The following SPG7 variants were observed in gnomAD, a reference collection of about 807,000 sequenced individuals.
SPG7 encodes mitochondrial inner membrane m-AAA protease component paraplegin.
In SPG7, 103 loss-of-function variants were observed where a neutral mutation model predicts 81.9. The ratio of observed to expected loss-of-function variants is 1.26; its 90% CI spans 1.07 to 1.48. The LOEUF (loss-of-function observed/expected upper bound fraction) is 1.48. Ranked by LOEUF, SPG7 falls within the 40% of genes most tolerant of loss-of-function variation. SPG7 has a pLI of 0.00. For missense variants in SPG7, 1,241 were observed against 1,087.3 expected, an observed-to-expected ratio of 1.14 and a Z score of -1.99; for synonymous variants, 534 against 444.2, an observed-to-expected ratio of 1.20 and a Z score of -2.54.
At position 89,531,885 on chromosome 16, in the gene SPG7, A is replaced by G. The variant is rs372502674; in HGVS notation, c.988-19A>G. ...GGAATCCCCAAGTAGTTAGTGTTGC[A>G]TTGTCTGCTGCCGTCCAGAGCCCAG... is the stretch of plus-strand genomic sequence containing the variant. On this transcript the variant is annotated intron_variant, in intron 7 of 16. Coordinates refer to ENST00000645818, the MANE Select transcript of SPG7 (RefSeq NM_003119.4). 6.9e-5 allele frequency: 111 copies of G among 1,613,836 alleles called. No individual in the cohort carries two copies. Among genetic ancestry groups the G allele is most frequent in the Admixed American group, 1.2e-4 (7 of 60,004 alleles).
At chr16:89,519,653 A>C (rs912843891) in intron 3 of SPG7, 2 of 152,198 alleles carry the variant, frequency 1.3e-5, no homozygotes, top group Admixed American at 1.3e-4. Flanking sequence ...AAGTGCTGGG[A>C]TGACAGGCGT....
chr16:89,524,584 C>T (rs564162955), intron 4 of SPG7, among the ~76,000 whole-genome samples: 1 of 152,282 alleles, frequency 6.6e-6, no homozygotes, highest in African/African-American at 2.4e-5. Flanking sequence ...GCTGGGATTA[C>T]AGGCGTGCAC....
rs940753630 is a variant in SPG7, at chr16:89,546,529, T to C, written c.1450-129T>C. 2.6e-5 allele frequency: 20 copies of C among 775,004 alleles called. No homozygotes were observed. In the African/African-American group the frequency reaches 3.3e-4, roughly 13 times the overall value. 48.0% of individuals were successfully genotyped at this position (775,004 alleles called of 1,614,324 possible). On this transcript the variant is annotated intron_variant, in intron 10 of 16. Transcript: ENST00000645818. Reference sequence around the variant, plus strand: ...CCCGTCTCTACTAAAAATACAAAACTCAGGCATGATGGCACACACTTGTAA... The same window carrying C: ...CCCGTCTCTACTAAAAATACAAAACCCAGGCATGATGGCACACACTTGTAA...
chr16:89,542,865 G>A (rs1297903577), intron 9 of SPG7: 1 of 151,580 alleles, frequency 6.6e-6, no homozygotes, highest in Non-Finnish European at 1.5e-5. Context: ...GCCTCCCAAC[G>A]TGCTGGGATT....
At chr16:89,519,789 AG>A (rs1371638419) in intron 3 of SPG7, 2 of 152,240 alleles carry the variant, frequency 1.3e-5, no homozygotes, top group Non-Finnish European at 2.9e-5. Flanking sequence ...CTCCTCTGTC[AG>A]GGTCAGCTGT....
chr16:89,527,849 C>T (rs2058284538), intron 5 of SPG7, among the ~76,000 whole-genome samples: 1 of 151,870 alleles, frequency 6.6e-6, no homozygotes, highest in Non-Finnish European at 1.5e-5. Context: ...AATCCCAGCA[C>T]TTTGGAAGGC....
Position 89,546,965 on chromosome 16 carries a change from G to A in SPG7, c.1552+205G>A, listed in dbSNP as rs2292952. On this transcript the variant is annotated intron_variant, in intron 11 of 16. Transcript: ENST00000645818. ...GCACCCGCACTCCGTCCTCCGCCCC[G>A]GGGTGGAAAAGCAGACGGTGGTTCC... is the stretch of plus-strand genomic sequence containing the variant. 146,503 of 568,216 alleles carry A rather than the reference G, an allele frequency of 0.26. 21,742 individuals are homozygous for A. Among genetic ancestry groups the A allele is most frequent in the Middle Eastern group, 0.4 (821 of 2,062 alleles). The allele number at this position is 568,216 out of a possible 1,614,324, so 35.2% of individuals were successfully genotyped here.
chr16:89,526,780 C>A (rs1354158071), intron 5 of SPG7: 2 of 369,720 alleles, frequency 5.4e-6, no homozygotes, highest in South Asian at 2.2e-5. Context: ...CAGCCCCCGA[C>A]GTAAGATGCC....
chr16:89,553,997 T>TC (rs769320484), intron 15 of SPG7, 37 bp downstream of exon 15: 1 of 1,604,876 alleles, frequency 6.2e-7, no homozygotes, highest in African/African-American at 1.3e-5. Context: ...CCCTCTGTGC[T>TC]CCCCGGGGAG....
At chr16:89,549,092 G>A (rs933096238) in intron 12 of SPG7, 13 of 456,284 alleles carry the variant, frequency 2.8e-5, no homozygotes, top group Admixed American at 1.4e-4. Context: ...CCTGCGGGTC[G>A]AGAGGACTGG....
intron 11 of SPG7, 144 bp from the exon 12 acceptor site, chr16:89,547,859 C>T: frequency 1.4e-6 from 1 of 722,056 alleles, no homozygotes; most frequent in Non-Finnish European, 2.5e-6. Context: ...GTGATCTGCC[C>T]ACCTCAGCCT....
intron 2 of SPG7, among the ~76,000 whole-genome samples, chr16:89,511,758 G>C (rs1435094125): frequency 6.6e-6 from 1 of 152,146 alleles, no homozygotes; most frequent in African/African-American, 2.4e-5. Context: ...ATTTGAGATA[G>C]GGTCTTGCCC....
chr16:89,541,380 C>T, intron 9 of SPG7: 1 of 940,100 alleles, frequency 1.1e-6, no homozygotes, highest in Non-Finnish European at 1.3e-6. Context: ...CGTATGACTC[C>T]ACTTGTACGA....
chr16:89,527,244 C>T (rs548085395), intron 5 of SPG7: 47 of 152,504 alleles, frequency 3.1e-4, no homozygotes, highest in African/African-American at 1.1e-3. Context: ...CTGTGGAGGC[C>T]AACCGTGTGC....
intron 9 of SPG7, among the ~76,000 whole-genome samples, chr16:89,535,804 A>G (rs960332937): frequency 3.3e-5 from 5 of 152,220 alleles, no homozygotes; most frequent in Non-Finnish European, 7.3e-5. Context: ...GCTTCTCTGC[A>G]GAGCATCTTT....
At chr16:89,508,394 C>T, upstream of SPG7, 6 of 1,468,890 alleles carry the variant, frequency 4.1e-6, no homozygotes, top group Non-Finnish European at 5.4e-6. Context: ...CCGCGGATCA[C>T]GCAGGCGCGG....
At chr16:89,529,777 T>C in intron 6 of SPG7, 198 bp downstream of exon 6, 1 of 643,510 alleles carries the variant, frequency 1.6e-6, no homozygotes, top group Non-Finnish European at 2.8e-6. Flanking sequence ...CCTGAGGGCC[T>C]CTCACCCCTA....
Position 89,546,451 on chromosome 16 carries a change from G to T in SPG7, c.1450-207G>T, listed in dbSNP as rs990111778. 12 of 558,164 alleles carry T rather than the reference G, an allele frequency of 2.1e-5. No individual in the cohort carries two copies. In the South Asian group the frequency reaches 2.2e-4, roughly 10 times the overall value. 34.6% of individuals were successfully genotyped at this position (558,164 alleles called of 1,614,324 possible). ...CCAGCACTTTGGGAGGCCGAGGCAG[G>T]TGGATCACTTGAAGCCAGGAGTTCG... On this transcript the variant is annotated intron_variant, in intron 10 of 16. Coordinates refer to ENST00000645818, the MANE Select transcript of SPG7 (RefSeq NM_003119.4).
At position 89,556,867 on chromosome 16, in the gene SPG7, G is replaced by A. The variant is rs767452782; in HGVS notation, c.2182-20G>A. On this transcript the variant is annotated intron_variant, in intron 16 of 16. Transcript: ENST00000645818. Reference sequence around the variant, plus strand: ...TGTCTGCCCTGGGGACTCACACACTGCTATGCCTGTTCTTTCTAGCTGGCA... The same window carrying A: ...TGTCTGCCCTGGGGACTCACACACTACTATGCCTGTTCTTTCTAGCTGGCA... The A allele has an allele frequency of 6.3e-7, 1 of 1,596,194 alleles. No homozygotes were observed. The highest frequency in any genetic ancestry group is 8.6e-7 in the Non-Finnish European group (1 of 1,164,076).
Sources: allele counts gnomAD v4.1 joint callset (sites outside exome capture counted in the v4.1 genomes callset), GRCh38; gene constraint gnomAD v4.1.1; transcripts MANE v1.5; gene names NCBI Gene and HGNC (gene_info 2026-07-23, HGNC 2026-07-21).